Variants in NOD2 observed in about 807,000 individuals in gnomAD.
NOD2 encodes the protein nucleotide binding oligomerization domain containing 2, also known as nucleotide-binding oligomerization domain-containing protein 2.
Under a neutral mutation model 90.9 loss-of-function variants are expected in NOD2, and 86 were observed. That is an observed-to-expected ratio of 0.95 (90% CI 0.79 to 1.13). The LOEUF (loss-of-function observed/expected upper bound fraction) is 1.13, where lower values mean the gene tolerates loss of function less well. Among genes scored for constraint, NOD2 ranks in the 50% most tolerant of loss-of-function variants. NOD2 has a pLI of 0.00. For missense variants in NOD2, 1,238 were observed against 1,283.8 expected (o/e 0.96, Z 0.55); for synonymous variants, 581 against 554.6 (o/e 1.05, Z -0.67).
chr16:50,699,310 G>C (rs1248100739), intron 1 of NOD2, among the ~76,000 whole-genome samples, 178 bp from the exon 2 acceptor site: 2 of 152,108 alleles, frequency 1.3e-5, no homozygotes, highest in African/African-American at 4.8e-5. Flanking sequence ...GGTGTTTCTT[G>C]CCTTCTCTGG....
chr16:50,725,235 T>A (rs1221752219), intron 9 of NOD2, among the ~76,000 whole-genome samples: 1 of 152,192 alleles, frequency 6.6e-6, no homozygotes, highest in Non-Finnish European at 1.5e-5. Context: ...CTTCCATTAA[T>A]AAGGAAGAAA....
intron 2 of NOD2, among the ~76,000 whole-genome samples, chr16:50,700,977 T>C (rs1410965550): frequency 3.9e-5 from 6 of 152,214 alleles, no homozygotes; most frequent in Non-Finnish European, 2.9e-5. Flanking sequence ...TGAAACTCTT[T>C]TGTTTTCTTC....
Position 50,697,245 on chromosome 16 carries a change from T to C in NOD2, c.-8-2243T>C, listed in dbSNP as rs765406921. 19 of 1,555,992 alleles carry C rather than the reference T, an allele frequency of 1.2e-5. No individual in the cohort carries two copies. In the African/African-American group the frequency reaches 2.0e-4, roughly 17 times the overall value. On this transcript the variant is annotated intron_variant, in intron 1 of 11. Coordinates refer to ENST00000647318, the MANE Select transcript of NOD2 (RefSeq NM_001370466.1). ...GCTCCCCCAGCCTAATGGGCTTTGATGGGGGAAGAGGGTGGTTCAGCCTCT... is the reference window on the plus strand; with the variant it reads ...GCTCCCCCAGCCTAATGGGCTTTGACGGGGGAAGAGGGTGGTTCAGCCTCT...
intron 6 of NOD2, among the ~76,000 whole-genome samples, chr16:50,719,346 C>A (rs2150828094): frequency 6.6e-6 from 1 of 152,312 alleles, no homozygotes; most frequent in Admixed American, 6.5e-5. Context: ...AGCTCTGGGG[C>A]TTCTCCGAAG....
Position 50,711,325 on chromosome 16 carries a change from C to T in NOD2, c.1333C>T (p.Leu445=). 6.2e-7 allele frequency: 1 copy of T among 1,613,758 alleles called. No homozygotes were observed. Among genetic ancestry groups the T allele is most frequent in the Non-Finnish European group, 8.5e-7 (1 of 1,180,044 alleles). The change falls in exon 4 of 12, where the codon CTG becomes TTG. Residue 445 remains leucine, a synonymous_variant. Coordinates refer to ENST00000647318, the MANE Select transcript of NOD2 (RefSeq NM_001370466.1). ...CGGGGTGGCGGACCGCCTCATCCGC[C>T]TGCTCCAAGAGACCTCAGCCCTGCA... ...EPGVADRLIR[L]LQETSALHGL...
chr16:50,716,787 G>A (rs1212520605), intron 5 of NOD2, 104 bp from the exon 6 acceptor site: 4 of 1,443,342 alleles, frequency 2.8e-6, no homozygotes, highest in South Asian at 1.1e-5. Flanking sequence ...CATGATGGGG[G>A]GTGCAGGTGA....
At chr16:50,709,698 G>A (rs938328894) in intron 3 of NOD2, among the ~76,000 whole-genome samples, 1 of 152,058 alleles carries the variant, frequency 6.6e-6, no homozygotes, top group Non-Finnish European at 1.5e-5. Flanking sequence ...TCCCCATCTC[G>A]AAGTTTAACT....
At chr16:50,731,679 G>A (rs878855961) in intron 11 of NOD2, 68 bp from the exon 12 acceptor site, 2 of 1,076,480 alleles carry the variant, frequency 1.9e-6, no homozygotes, top group Non-Finnish European at 2.9e-6. Flanking sequence ...AAAAGTGGAG[G>A]CTTTTGTTTG....
In NOD2 at chr16:50,710,858, G is replaced by C. The variant is rs1306211364; in HGVS notation, c.866G>C (p.Trp289Ser). 6.2e-7 allele frequency: 1 copy of C among 1,613,928 alleles called. No individual in the cohort carries two copies. The highest frequency in any genetic ancestry group is 8.5e-7 in the Non-Finnish European group (1 of 1,180,028). Residue 289 changes from tryptophan (W) to serine (S), a missense_variant, in exon 4 of 12, where the codon TGG becomes TCG. Transcript: ENST00000647318. ...CTCCTGCAGCGGCTGCACTTGCTGT[G>C]GGCTGCAGGGCAAGACTTCCAGGAA... is the stretch of plus-strand genomic sequence containing the variant. ...STLLQRLHLL[W>S]AAGQDFQEFL...
intron 1 of NOD2, chr16:50,697,470 C>T: frequency 1.3e-6 from 1 of 768,212 alleles, no homozygotes. Context: ...GTTTTTTTCC[C>T]CAGGACCTGG....
At chr16:50,706,479 A>G (rs570231289) in intron 2 of NOD2, among the ~76,000 whole-genome samples, 4 of 152,280 alleles carry the variant, frequency 2.6e-5, no homozygotes, top group African/African-American at 9.6e-5. Flanking sequence ...CAGCCTGTGC[A>G]GCTTTCCAGA....
rs199475916 is a variant in NOD2, at chr16:50,712,329, C to G, written c.2337C>G (p.Gly779=). The change falls in exon 4 of 12, where the codon GGC becomes GGG. Residue 779 remains glycine, a synonymous_variant. Transcript: ENST00000647318. Reference sequence around the variant, plus strand: ...ACTACAACTCTGTGGGTGACATTGGCGTGGAGCAGCTGCTGCCTTGCCTTG... The same window carrying G: ...ACTACAACTCTGTGGGTGACATTGGGGTGGAGCAGCTGCTGCCTTGCCTTG... ...QLDYNSVGDI[G]VEQLLPCLGV... The G allele has an allele frequency of 1.9e-5, 31 of 1,613,968 alleles. No individual in the cohort carries two copies. The East Asian group carries it at 6.0e-4, about 31-fold the overall frequency.
Position 50,721,634 on chromosome 16 carries a change from A to G in NOD2, c.2634-988A>G, listed in dbSNP as rs933392572. 3.9e-5 allele frequency among the ~76,000 whole-genome samples: 6 copies of G among 152,084 alleles called. No homozygotes were observed. In the East Asian group the frequency reaches 9.7e-4, roughly 24 times the overall value. On this transcript the variant is annotated intron_variant, in intron 7 of 11. Transcript: ENST00000647318. ...CGGCCTCCTGAGTAGCTGGGACTAC[A>G]GGCACAAGCCACCATGCCTGGCCGA...
intron 9 of NOD2, among the ~76,000 whole-genome samples, chr16:50,723,877 ACTG>A (rs912535842): frequency 9.0e-4 from 137 of 152,050 alleles, no homozygotes; most frequent in Middle Eastern, 3.4e-3. Context: ...TACTACTATT[ACTG>A]CTGCTGCTGC....
At chr16:50,731,191 T>C (rs1965440777) in intron 11 of NOD2, among the ~76,000 whole-genome samples, 1 of 152,150 alleles carries the variant, frequency 6.6e-6, no homozygotes, top group African/African-American at 2.4e-5. Context: ...AAAAGTGACT[T>C]CAAAAATCTA....
At chr16:50,723,467 G>T in intron 9 of NOD2, 83 bp downstream of exon 9, 4 of 1,216,380 alleles carry the variant, frequency 3.3e-6, no homozygotes, top group Non-Finnish European at 4.8e-6. Context: ...GAGCGGTTGT[G>T]TGGACAGACA....
intron 3 of NOD2, among the ~76,000 whole-genome samples, chr16:50,709,649 CT>C (rs1290183081): frequency 6.6e-6 from 1 of 152,134 alleles, no homozygotes; most frequent in African/African-American, 2.4e-5. Flanking sequence ...ACCCCGAGGC[CT>C]TCCCTTGCTA....
At chr16:50,714,713 A>T (rs930970383) in intron 4 of NOD2, among the ~76,000 whole-genome samples, 2 of 151,828 alleles carry the variant, frequency 1.3e-5, no homozygotes, top group African/African-American at 4.8e-5. Context: ...CCTCTCCCAC[A>T]GTGCCAACCT....
intron 6 of NOD2, among the ~76,000 whole-genome samples, chr16:50,717,949 A>G (rs1206881396): frequency 6.6e-6 from 1 of 152,366 alleles, no homozygotes; most frequent in East Asian, 1.9e-4. Flanking sequence ...CCCTACACAT[A>G]CCATGCTTTT....
Sources: gnomAD v4.1 joint callset for allele counts (sites outside exome capture counted in the v4.1 genomes callset) on GRCh38, gnomAD v4.1.1 for gene constraint, MANE v1.5 for transcripts, NCBI Gene and HGNC (gene_info 2026-07-23, HGNC 2026-07-21) for gene names.